The following OR2A5 variants were observed in gnomAD, a reference collection of about 807,000 sequenced individuals.
The protein encoded by OR2A5 is olfactory receptor 2A5.
In OR2A5, 2 loss-of-function variants were observed where a neutral mutation model predicts 1.9. The observed-to-expected ratio is 1.04, with a 90% CI of 0.43 to 3.28. The LOEUF (loss-of-function observed/expected upper bound fraction) is 3.28, where lower values mean the gene tolerates loss of function less well. Ranked by LOEUF, OR2A5 falls within the 30% of genes most tolerant of loss-of-function variation. The pLI, the probability that OR2A5 is intolerant of heterozygous loss-of-function variation, is 0.08. For synonymous variants in OR2A5, 160 were observed against 154.5 expected (o/e 1.04, Z -0.26); for missense variants, 391 against 375.9 (o/e 1.04, Z -0.33).
In OR2A5 at chr7:144,058,643, G is replaced by C. The variant is rs1393620487; in HGVS notation, c.*7306G>C. ...CAGCCTGGCATGGTGACTCACACCT[G>C]TAATCCCAGCACTTTGGGAGGCCGA... On this transcript the variant is annotated 3_prime_UTR_variant, in exon 2 of 2. Transcript: ENST00000641693. The C allele has an allele frequency of 1.3e-5, 2 of 152,422 alleles. No individual in the cohort carries two copies. The highest frequency in any genetic ancestry group is 2.1e-4 in the South Asian group (1 of 4,838). The allele number at this position is 152,422 out of a possible 1,614,324, so 9.4% of individuals were successfully genotyped here. A position where few individuals can be genotyped will look rare whatever the true frequency, so the allele number is the denominator to read the frequency against.
At position 144,050,583 on chromosome 7, in the gene OR2A5, T is replaced by G; in HGVS notation, c.182T>G (p.Phe61Cys). Residue 61 changes from phenylalanine (F) to cysteine (C), a missense_variant, in exon 2 of 2, where the codon TTT becomes TGT. Coordinates refer to ENST00000641693, the MANE Select transcript of OR2A5 (RefSeq NM_012365.2). Reference protein sequence around the residue: ...DSRLHTPMYFFLSHLAIIDIS... With the variant: ...DSRLHTPMYFCLSHLAIIDIS... ...AGACTGCACACCCCCATGTACTTCT[T>G]TCTCTCACACCTGGCCATCATTGAT... The G allele has an allele frequency of 6.2e-7, 1 of 1,610,918 alleles. No homozygotes were observed. Among genetic ancestry groups the G allele is most frequent in the Non-Finnish European group, 8.5e-7 (1 of 1,178,328 alleles).
chr7:144,054,952 A>T lies in OR2A5; in HGVS notation c.*3615A>T, dbSNP rs2050928730. The T allele has an allele frequency of 6.6e-6, 1 of 152,208 alleles. No homozygotes were observed. Among genetic ancestry groups the T allele is most frequent in the Non-Finnish European group, 1.5e-5 (1 of 68,042 alleles). 9.4% of individuals were successfully genotyped at this position (152,208 alleles called of 1,614,324 possible). A position where few individuals can be genotyped will look rare whatever the true frequency, so the allele number is the denominator to read the frequency against. On this transcript the variant is annotated 3_prime_UTR_variant, in exon 2 of 2. Coordinates refer to ENST00000641693, the MANE Select transcript of OR2A5 (RefSeq NM_012365.2). Reference sequence around the variant, plus strand: ...TGGCTGAAATTTTGGCACTCATAGTAGCCAACTCCTTATATTGGTCTCCCT... The same window carrying T: ...TGGCTGAAATTTTGGCACTCATAGTTGCCAACTCCTTATATTGGTCTCCCT...
rs1333288271 is a variant in OR2A5 at position 144,049,107 on chromosome 7, T to G, written c.-78T>G. On this transcript the variant is annotated 5_prime_UTR_variant, in exon 1 of 2. Transcript: ENST00000641693. ...ATTTCTCTAAATAGAATTATATTTCTGAGACAAGACCAGGCCTGATACCAC... is the reference window on the plus strand; with the variant it reads ...ATTTCTCTAAATAGAATTATATTTCGGAGACAAGACCAGGCCTGATACCAC... The G allele has an allele frequency of 6.6e-6, 1 of 152,218 alleles. No individual in the cohort carries two copies. Among genetic ancestry groups the G allele is most frequent in the Non-Finnish European group, 1.5e-5 (1 of 68,054 alleles). The allele number at this position is 152,218 out of a possible 1,614,324, so 9.4% of individuals were successfully genotyped here.
rs2050951416 is a variant in OR2A5 at position 144,057,765 on chromosome 7, T to G, written c.*6428T>G. 6.6e-6 allele frequency: 1 copy of G among 152,056 alleles called. No homozygotes were observed. The highest frequency in any genetic ancestry group is 1.9e-4 in the East Asian group (1 of 5,194). The allele number at this position is 152,056 out of a possible 1,614,324, so 9.4% of individuals were successfully genotyped here. A position where few individuals can be genotyped will look rare whatever the true frequency, so the allele number is the denominator to read the frequency against. On this transcript the variant is annotated 3_prime_UTR_variant, in exon 2 of 2. Coordinates refer to ENST00000641693, the MANE Select transcript of OR2A5 (RefSeq NM_012365.2). ...AAGATGAAAACAGAATAAAAGTATATAGGGTACATGCGAAGCATACGAGTT... is the reference window on the plus strand; with the variant it reads ...AAGATGAAAACAGAATAAAAGTATAGAGGGTACATGCGAAGCATACGAGTT...
intron 1 of OR2A5, among the ~76,000 whole-genome samples, chr7:144,049,848 T>G (rs1447569564): frequency 6.6e-6 from 1 of 152,238 alleles, no homozygotes; most frequent in African/African-American, 2.4e-5. Context: ...CTCTTTGAAA[T>G]TGCATTTGTA....
chr7:144,056,773 A>G lies in OR2A5; in HGVS notation c.*5436A>G, dbSNP rs1161377591. 2 of 152,178 alleles carry G rather than the reference A, an allele frequency of 1.3e-5. No individual in the cohort carries two copies. Among genetic ancestry groups the G allele is most frequent in the African/African-American group, 4.8e-5 (2 of 41,438 alleles). The allele number at this position is 152,178 out of a possible 1,614,324, so 9.4% of individuals were successfully genotyped here. A position where few individuals can be genotyped will look rare whatever the true frequency, so the allele number is the denominator to read the frequency against. On this transcript the variant is annotated 3_prime_UTR_variant, in exon 2 of 2. Transcript: ENST00000641693. ...AAAAGATAACAATTACAGAGCTTAGAAATAAAACACGCATTCCCTGAAATA... is the reference window on the plus strand; with the variant it reads ...AAAAGATAACAATTACAGAGCTTAGGAATAAAACACGCATTCCCTGAAATA...
rs942485210 is a variant in OR2A5, at chr7:144,058,725, C to T, written c.*7388C>T. On this transcript the variant is annotated 3_prime_UTR_variant, in exon 2 of 2. Transcript: ENST00000641693. Reference sequence around the variant, plus strand: ...ACAAGCCTGGCCAATATGGTGAAACCCCATCTCTTCTAAAATACAAAAATT... The same window carrying T: ...ACAAGCCTGGCCAATATGGTGAAACTCCATCTCTTCTAAAATACAAAAATT... 1.3e-5 allele frequency: 2 copies of T among 152,068 alleles called. No individual in the cohort carries two copies. Among genetic ancestry groups the T allele is most frequent in the Admixed American group, 6.6e-5 (1 of 15,234 alleles). 9.4% of individuals were successfully genotyped at this position (152,068 alleles called of 1,614,324 possible).
In OR2A5 at chr7:144,055,666, C is replaced by CT. The variant is rs1160983992; in HGVS notation, c.*4332dup. 6.6e-6 allele frequency: 1 copy of CT among 152,180 alleles called. No homozygotes were observed. The highest frequency in any genetic ancestry group is 1.5e-5 in the Non-Finnish European group (1 of 68,036). The allele number at this position is 152,180 out of a possible 1,614,324, so 9.4% of individuals were successfully genotyped here. A position where few individuals can be genotyped will look rare whatever the true frequency, so the allele number is the denominator to read the frequency against. ...TTTTATTCCCACAATGCCATCACAA[C>CT]TTTATTTCTAGATATACATGGTTTC... On this transcript the variant is annotated 3_prime_UTR_variant, in exon 2 of 2. Transcript: ENST00000641693.
rs1343952450 is a variant in OR2A5 at position 144,055,884 on chromosome 7, G to A, written c.*4547G>A. The A allele has an allele frequency of 6.6e-6, 1 of 152,548 alleles. No individual in the cohort carries two copies. Among genetic ancestry groups the A allele is most frequent in the African/African-American group, 2.4e-5 (1 of 41,396 alleles). 9.4% of individuals were successfully genotyped at this position (152,548 alleles called of 1,614,324 possible). On this transcript the variant is annotated 3_prime_UTR_variant, in exon 2 of 2. Transcript: ENST00000641693. ...TGCATTCCAGCCTGGGCAACAGAGTGGGACCCCATCTTTGAAAAAACAAAC... is the reference window on the plus strand; with the variant it reads ...TGCATTCCAGCCTGGGCAACAGAGTAGGACCCCATCTTTGAAAAAACAAAC...
rs1260505662 is a variant in OR2A5 at position 144,051,419 on chromosome 7, C to T, written c.*82C>T. 1.9e-6 allele frequency: 2 copies of T among 1,062,548 alleles called. No individual in the cohort carries two copies. The highest frequency in any genetic ancestry group is 2.8e-6 in the Non-Finnish European group (2 of 727,004). 65.8% of individuals were successfully genotyped at this position (1,062,548 alleles called of 1,614,324 possible). On this transcript the variant is annotated 3_prime_UTR_variant, in exon 2 of 2. Coordinates refer to ENST00000641693, the MANE Select transcript of OR2A5 (RefSeq NM_012365.2). ...AACAGTGGTGTAAATGCCTTACAGTCTCATCTCTTAGATTTCTGATATCAA... is the reference window on the plus strand; with the variant it reads ...AACAGTGGTGTAAATGCCTTACAGTTTCATCTCTTAGATTTCTGATATCAA...
chr7:144,050,671 A>G lies in OR2A5; in HGVS notation c.270A>G (p.Lys90=). ...MLTNLGLNKR[K]TISFVPCTMQ... ...CAAACCTTGGCTTGAACAAGAGAAA[A>G]ACAATCTCCTTTGTCCCATGCACAA... Residue 90 remains lysine, a synonymous_variant, in exon 2 of 2, where the codon AAA becomes AAG. Transcript: ENST00000641693. The G allele has an allele frequency of 6.2e-7, 1 of 1,614,170 alleles. No individual in the cohort carries two copies. Among genetic ancestry groups the G allele is most frequent in the Non-Finnish European group, 8.5e-7 (1 of 1,180,034 alleles).
In OR2A5 at chr7:144,055,192, G is replaced by A. The variant is rs1344559514; in HGVS notation, c.*3855G>A. On this transcript the variant is annotated 3_prime_UTR_variant, in exon 2 of 2. Transcript: ENST00000641693. ...AGTTGTTTATTGCCTTCCACAAAGT[G>A]GGGAAAAATACCCTAGAATCAAAAA... 1.3e-5 allele frequency: 2 copies of A among 151,982 alleles called. No individual in the cohort carries two copies. Among genetic ancestry groups the A allele is most frequent in the African/African-American group, 2.4e-5 (1 of 41,376 alleles). The allele number at this position is 151,982 out of a possible 1,614,324, so 9.4% of individuals were successfully genotyped here. A position where few individuals can be genotyped will look rare whatever the true frequency, so the allele number is the denominator to read the frequency against.
chr7:144,053,049 A>G lies in OR2A5; in HGVS notation c.*1712A>G, dbSNP rs1201637086. The G allele has an allele frequency of 6.6e-6, 1 of 152,166 alleles. No individual in the cohort carries two copies. The highest frequency in any genetic ancestry group is 1.5e-5 in the Non-Finnish European group (1 of 68,022). The allele number at this position is 152,166 out of a possible 1,614,324, so 9.4% of individuals were successfully genotyped here. On this transcript the variant is annotated 3_prime_UTR_variant, in exon 2 of 2. Coordinates refer to ENST00000641693, the MANE Select transcript of OR2A5 (RefSeq NM_012365.2). ...ATCTCATATAAAACATAAGCAATAG[A>G]TTTGGATTCAGAATTTTTTTACCTA... is the stretch of plus-strand genomic sequence containing the variant.
rs4726666 is a variant in OR2A5, at chr7:144,053,993, T to C, written c.*2656T>C. The C allele has an allele frequency of 0.082, 12,427 of 152,308 alleles. 1,220 individuals are homozygous for C. Among genetic ancestry groups the C allele is most frequent in the Admixed American group, 0.31 (4,766 of 15,282 alleles). 9.4% of individuals were successfully genotyped at this position (152,308 alleles called of 1,614,324 possible). The stretch of plus-strand genomic sequence containing the variant: ...TCTTACCTATGATTCTGGTCTTCTT[T>C]CTATCATTAGGTGTACCCACCTGTG... On this transcript the variant is annotated 3_prime_UTR_variant, in exon 2 of 2. Coordinates refer to ENST00000641693, the MANE Select transcript of OR2A5 (RefSeq NM_012365.2).
rs1448228349 is a variant in OR2A5 at position 144,056,975 on chromosome 7, C to G, written c.*5638C>G. The G allele has an allele frequency of 6.6e-6, 1 of 152,186 alleles. No individual in the cohort carries two copies. Among genetic ancestry groups the G allele is most frequent in the East Asian group, 1.9e-4 (1 of 5,164 alleles). The allele number at this position is 152,186 out of a possible 1,614,324, so 9.4% of individuals were successfully genotyped here. On this transcript the variant is annotated 3_prime_UTR_variant, in exon 2 of 2. Coordinates refer to ENST00000641693, the MANE Select transcript of OR2A5 (RefSeq NM_012365.2). ...GACTACAGGCGTCTGCCACCATGCC[C>G]GGCTAATTTTTTGCATTTTTAGTAG...
chr7:144,050,811 G>A lies in OR2A5; in HGVS notation c.410G>A (p.Arg137Lys), dbSNP rs368104146. The change falls in exon 2 of 2, where the codon AGA becomes AAA. Residue 137 changes from arginine to lysine, a missense_variant. By Grantham distance (26) the Arg-to-Lys change is conservative. Transcript: ENST00000641693. ...CCTCTGCAATATTCTGTCATCATGA[G>A]ATGGGGAGTGTGCACAGTCCTGGCT... The part of the protein sequence containing the change: ...CHPLQYSVIM[R>K]WGVCTVLAVT... The A allele has an allele frequency of 1.9e-6, 3 of 1,614,180 alleles. No homozygotes were observed. Among genetic ancestry groups the A allele is most frequent in the South Asian group, 1.1e-5 (1 of 91,078 alleles).
Position 144,051,505 on chromosome 7 carries a change from A to C in OR2A5, c.*168A>C. ...GAGTACCATGCAGATCACAAAGCAC[A>C]TGCAGACAGGCGCTGAGCCGTGTGG... is the stretch of plus-strand genomic sequence containing the variant. On this transcript the variant is annotated 3_prime_UTR_variant, in exon 2 of 2. Coordinates refer to ENST00000641693, the MANE Select transcript of OR2A5 (RefSeq NM_012365.2). 4.7e-6 allele frequency: 3 copies of C among 639,680 alleles called. No individual in the cohort carries two copies. The highest frequency in any genetic ancestry group is 8.0e-6 in the Non-Finnish European group (3 of 376,704). 39.6% of individuals were successfully genotyped at this position (639,680 alleles called of 1,614,324 possible). A position where few individuals can be genotyped will look rare whatever the true frequency, so the allele number is the denominator to read the frequency against.
Position 144,056,642 on chromosome 7 carries a change from T to G in OR2A5, c.*5305T>G, listed in dbSNP as rs571772569. 15 of 152,320 alleles carry G rather than the reference T, an allele frequency of 9.8e-5. No homozygotes were observed. In the South Asian group the frequency reaches 3.1e-3, roughly 32 times the overall value. The allele number at this position is 152,320 out of a possible 1,614,324, so 9.4% of individuals were successfully genotyped here. A position where few individuals can be genotyped will look rare whatever the true frequency, so the allele number is the denominator to read the frequency against. ...TCAGGAATGAACAATTGATAAATAT[T>G]TATGTTTATGTTTAAATGCATAAAA... On this transcript the variant is annotated 3_prime_UTR_variant, in exon 2 of 2. Transcript: ENST00000641693.
chr7:144,050,612 T>C lies in OR2A5; in HGVS notation c.211T>C (p.Ser71Pro). ...FLSHLAIIDI[S>P]YASNNVPKML... ...CTCACACCTGGCCATCATTGATATT[T>C]CGTATGCTTCCAACAATGTCCCCAA... The change falls in exon 2 of 2, where the codon TCG becomes CCG. Residue 71 changes from serine to proline, a missense_variant. By Grantham distance (74) the Ser-to-Pro change is moderately conservative. Transcript: ENST00000641693. 2 of 1,612,786 alleles carry C rather than the reference T, an allele frequency of 1.2e-6. No individual in the cohort carries two copies. Among genetic ancestry groups the C allele is most frequent in the Non-Finnish European group, 8.5e-7 (1 of 1,179,316 alleles).
Sources: allele counts gnomAD v4.1 joint callset (sites outside exome capture counted in the v4.1 genomes callset), GRCh38; gene constraint gnomAD v4.1.1; transcripts MANE v1.5; gene names NCBI Gene and HGNC (gene_info 2026-07-23, HGNC 2026-07-21).